Variants in SGCZ observed in about 807,000 individuals in gnomAD.
SGCZ encodes the protein zeta-sarcoglycan.
In SGCZ, 40 loss-of-function variants were observed where a neutral mutation model predicts 41.3. The ratio of observed to expected loss-of-function variants is 0.97; its 90% CI spans 0.75 to 1.26. The LOEUF (loss-of-function observed/expected upper bound fraction) is 1.26. SGCZ is among the 50% of genes most tolerant of loss of function. SGCZ has a pLI of 0.00. For synonymous variants in SGCZ, 206 were observed against 137.5 expected (o/e 1.50, Z -3.49); for missense variants, 552 against 369.8 (o/e 1.49, Z -4.04).
chr8:14,323,730 T>C (rs769858836), intron 3 of SGCZ, among the ~76,000 whole-genome samples: 1 of 152,126 alleles, frequency 6.6e-6, no homozygotes, highest in Non-Finnish European at 1.5e-5. Flanking sequence ...ATCAGATACA[T>C]AGTATGTTGA....
intron 2 of SGCZ, among the ~76,000 whole-genome samples, chr8:14,377,183 T>G (rs28558389): frequency 6.6e-6 from 1 of 152,102 alleles, no homozygotes; most frequent in Non-Finnish European, 1.5e-5. Flanking sequence ...GAGAGGGACT[T>G]GAGATTGAGT....
chr8:14,826,835 C>T (rs769904153), intron 1 of SGCZ, among the ~76,000 whole-genome samples: 6 of 152,122 alleles, frequency 3.9e-5, no homozygotes, highest in Admixed American at 3.9e-4. Flanking sequence ...TGAATATTAG[C>T]CTTTTCTCAG....
At chr8:14,572,393 TAAC>T (rs2117234374) in intron 1 of SGCZ, among the ~76,000 whole-genome samples, 1 of 152,208 alleles carries the variant, frequency 6.6e-6, no homozygotes, top group East Asian at 1.9e-4. Context: ...GAAAGAGAAT[TAAC>T]AACAATAATA....
intron 1 of SGCZ, among the ~76,000 whole-genome samples, chr8:15,202,682 T>A (rs1800926824): frequency 6.6e-6 from 1 of 152,142 alleles, no homozygotes; most frequent in African/African-American, 2.4e-5. Flanking sequence ...AGAAAATAAA[T>A]TTTCTGAAGT....
intron 1 of SGCZ, among the ~76,000 whole-genome samples, chr8:14,760,775 T>C (rs1799843276): frequency 6.6e-6 from 1 of 152,200 alleles, no homozygotes; most frequent in South Asian, 2.1e-4. Flanking sequence ...TTATCTCTAA[T>C]GTTGCAATAT....
At chr8:14,601,546 G>T (rs140955279) in intron 1 of SGCZ, among the ~76,000 whole-genome samples, 2 of 152,122 alleles carry the variant, frequency 1.3e-5, no homozygotes, top group African/African-American at 4.8e-5. Context: ...TTCGGAGACA[G>T]GAGCTGATTT....
chr8:14,271,467 T>G (rs771887629), intron 3 of SGCZ, among the ~76,000 whole-genome samples: 5 of 152,192 alleles, frequency 3.3e-5, no homozygotes, highest in Admixed American at 6.5e-5. Context: ...TAAAATATTC[T>G]GAAGGAGATG....
At chr8:14,999,915 G>C (rs1174183873) in intron 1 of SGCZ, among the ~76,000 whole-genome samples, 2 of 152,184 alleles carry the variant, frequency 1.3e-5, no homozygotes, top group African/African-American at 2.4e-5. Context: ...TATTACAAGG[G>C]TGTTACGGGC....
At chr8:14,200,128 A>G (rs940383258) in intron 4 of SGCZ, among the ~76,000 whole-genome samples, 2 of 152,206 alleles carry the variant, frequency 1.3e-5, no homozygotes, top group Admixed American at 1.3e-4. Flanking sequence ...GGGCACTACC[A>G]TAATTACTTC....
intron 1 of SGCZ, among the ~76,000 whole-genome samples, chr8:15,010,370 A>G (rs1023000150): frequency 6.6e-5 from 10 of 152,334 alleles, no homozygotes; most frequent in Admixed American, 2.0e-4. Context: ...AGAAATCTCA[A>G]CAGAAAACAC....
chr8:15,166,556 A>G (rs573204761), intron 1 of SGCZ, among the ~76,000 whole-genome samples: 3 of 152,198 alleles, frequency 2.0e-5, no homozygotes, highest in African/African-American at 7.2e-5. Context: ...CCGATGCACA[A>G]CCTTCTTTAG....
intron 1 of SGCZ, among the ~76,000 whole-genome samples, chr8:15,039,729 A>G (rs896647984): frequency 6.6e-6 from 1 of 152,210 alleles, no homozygotes; most frequent in Non-Finnish European, 1.5e-5. Context: ...TCCCAACTGT[A>G]TGGTGAAAAT....
chr8:14,268,820 C>A (rs2117257182), intron 3 of SGCZ, among the ~76,000 whole-genome samples: 1 of 151,796 alleles, frequency 6.6e-6, no homozygotes, highest in African/African-American at 2.4e-5. Flanking sequence ...ATAAAACATC[C>A]TCATCTGAAT....
intron 1 of SGCZ, among the ~76,000 whole-genome samples, chr8:14,978,979 G>C (rs1013211954): frequency 4.6e-5 from 7 of 151,908 alleles, no homozygotes; most frequent in Middle Eastern, 3.2e-3. Flanking sequence ...TTATATTTTT[G>C]ATACAGACTG....
At chr8:14,129,781 A>G (rs1165445698) in intron 5 of SGCZ, among the ~76,000 whole-genome samples, 2 of 152,234 alleles carry the variant, frequency 1.3e-5, no homozygotes, top group East Asian at 3.9e-4. Context: ...AATTTGACAA[A>G]AAAGGTTAAC....
intron 2 of SGCZ, among the ~76,000 whole-genome samples, chr8:14,471,971 A>G (rs747517853): frequency 6.6e-6 from 1 of 151,994 alleles, no homozygotes; most frequent in Non-Finnish European, 1.5e-5. Flanking sequence ...GAATTTCCGA[A>G]TCTCATTTGT....
intron 1 of SGCZ, among the ~76,000 whole-genome samples, chr8:14,593,372 C>T (rs28655364): frequency 0.21 from 31,647 of 152,034 alleles, 3,393 homozygotes; most frequent in Admixed American, 0.23. Context: ...TCCCCTTGAC[C>T]CTCCAGCAGA....
intron 1 of SGCZ, among the ~76,000 whole-genome samples, chr8:15,062,478 T>C (rs1418836549): frequency 6.6e-6 from 1 of 152,174 alleles, no homozygotes; most frequent in African/African-American, 2.4e-5. Context: ...AATAACGATA[T>C]TTAGGACTTG....
intron 3 of SGCZ, among the ~76,000 whole-genome samples, chr8:14,253,731 A>G (rs527264683): frequency 6.6e-6 from 1 of 152,316 alleles, no homozygotes; most frequent in African/African-American, 2.4e-5. Flanking sequence ...AATATAATAA[A>G]TAGCTTATTC....
Sources: gnomAD v4.1 joint callset for allele counts (sites outside exome capture counted in the v4.1 genomes callset) on GRCh38, gnomAD v4.1.1 for gene constraint, MANE v1.5 for transcripts, NCBI Gene and HGNC (gene_info 2026-07-23, HGNC 2026-07-21) for gene names.